Variants in ANKRD36C observed in about 807,000 individuals in gnomAD.
ANKRD36C encodes ankyrin repeat domain-containing protein 36C.
In ANKRD36C, 61 loss-of-function variants were observed where a neutral mutation model predicts 276.4. The observed-to-expected ratio is 0.22, with a 90% CI of 0.18 to 0.27. The LOEUF (loss-of-function observed/expected upper bound fraction) is 0.27. Ranked by LOEUF, ANKRD36C falls within the 10% of genes least tolerant of loss-of-function variation. The pLI is 1.00. For synonymous variants in ANKRD36C, 483 were observed against 680.1 expected (o/e 0.71, Z 4.51); for missense variants, 1,447 against 2,032.3 (o/e 0.71, Z 5.54).
intron 24 of ANKRD36C, among the ~76,000 whole-genome samples, chr2:95,931,433 A>G (rs1465320346): frequency 6.7e-6 from 1 of 149,930 alleles, no homozygotes; most frequent in Non-Finnish European, 1.5e-5. Flanking sequence ...CTGAGCAATA[A>G]ACTAGAATTT....
intron 8 of ANKRD36C, among the ~76,000 whole-genome samples, chr2:95,961,641 T>C (rs1051081666): frequency 6.6e-6 from 1 of 152,086 alleles, no homozygotes. Flanking sequence ...ATTAGCCTAT[T>C]TGAATAGCTA....
chr2:95,908,147 A>G (rs1676797776), intron 42 of ANKRD36C, among the ~76,000 whole-genome samples: 1 of 149,990 alleles, frequency 6.7e-6, no homozygotes, highest in African/African-American at 2.4e-5. Flanking sequence ...TCTTGGCAGT[A>G]CGATCTGAAG....
chr2:95,885,840 A>T (rs1676188693), intron 52 of ANKRD36C, among the ~76,000 whole-genome samples: 1 of 151,656 alleles, frequency 6.6e-6, no homozygotes, highest in Non-Finnish European at 1.5e-5. Context: ...TCCCAATTTC[A>T]ATGTAGGGAA....
chr2:95,866,795 T>C (rs566219649), intron 60 of ANKRD36C, among the ~76,000 whole-genome samples: 3 of 152,128 alleles, frequency 2.0e-5, no homozygotes, highest in Non-Finnish European at 2.9e-5. Context: ...ATCTCGATGA[T>C]GGTAATAGTT....
At chr2:95,871,044 T>G (rs1675798481) in intron 59 of ANKRD36C, among the ~76,000 whole-genome samples, 1 of 152,138 alleles carries the variant, frequency 6.6e-6, no homozygotes, top group Non-Finnish European at 1.5e-5. Flanking sequence ...ATCTGATTGG[T>G]GTACCTGAAA....
At chr2:95,963,966 T>C (rs1182981251) in intron 6 of ANKRD36C, among the ~76,000 whole-genome samples, 1 of 50,926 alleles carries the variant, frequency 2.0e-5, no homozygotes, top group African/African-American at 7.6e-5. Flanking sequence ...TAAATATATA[T>C]ATATAAATAT....
rs1206029967 is a variant in ANKRD36C, at chr2:95,944,805, A to T, written c.1424-111T>A. 4 of 1,181,176 alleles carry T rather than the reference A, an allele frequency of 3.4e-6. No homozygotes were observed. In the East Asian group the frequency reaches 1.0e-4, roughly 30 times the overall value. The allele number at this position is 1,181,176 out of a possible 1,614,324, so 73.2% of individuals were successfully genotyped here. On this transcript the variant is annotated intron_variant, in intron 18 of 66. Transcript: ENST00000456556. The stretch of plus-strand genomic sequence containing the variant: ...TTAATCCCAGCAGTTTGGGGGGCCG[A>T]TGCAGGCAGATCATATGAGGTCAGG...
chr2:95,889,038 T>C (rs1676270314), intron 48 of ANKRD36C, among the ~76,000 whole-genome samples: 1 of 151,606 alleles, frequency 6.6e-6, no homozygotes, highest in South Asian at 2.1e-4. Flanking sequence ...ACTTAGCTCC[T>C]TGAACTTTGA....
chr2:95,886,056 C>A (rs774459798), exon 52 of ANKRD36C: 2 of 1,610,104 alleles, frequency 1.2e-6, no homozygotes, highest in South Asian at 2.2e-5. Flanking sequence ...ACCTGTCCCA[C>A]GTATTTGTCC....
chr2:95,923,832 G>C lies in ANKRD36C; in HGVS notation c.2042-143C>G, dbSNP rs929633408. ...TTTTTGTGTCTGGGGACTGGAACATGACAGAAATACACTGAAAAAAAAGAA... is the reference window on the plus strand; with the variant it reads ...TTTTTGTGTCTGGGGACTGGAACATCACAGAAATACACTGAAAAAAAAGAA... On this transcript the variant is annotated intron_variant, in intron 30 of 66. Transcript: ENST00000456556. 1.0e-5 allele frequency: 13 copies of C among 1,245,466 alleles called. No homozygotes were observed. The African/African-American group carries it at 1.9e-4, about 18-fold the overall frequency. 77.2% of individuals were successfully genotyped at this position (1,245,466 alleles called of 1,614,324 possible).
intron 44 of ANKRD36C, 94 bp downstream of exon 64, chr2:95,893,439 G>C: frequency 6.7e-7 from 1 of 1,486,552 alleles, no homozygotes; most frequent in Non-Finnish European, 9.1e-7. Flanking sequence ...ATCAGAAAGT[G>C]CAGCTTCGAC....
At chr2:95,988,522 A>G (rs1411435244) in intron 1 of ANKRD36C, among the ~76,000 whole-genome samples, 1 of 152,126 alleles carries the variant, frequency 6.6e-6, no homozygotes, top group Admixed American at 6.5e-5. Flanking sequence ...GAGTCCTGAG[A>G]GATGGTGGAA....
At chr2:95,897,701 A>C (rs1676595850) in intron 44 of ANKRD36C, among the ~76,000 whole-genome samples, 1 of 145,882 alleles carries the variant, frequency 6.9e-6, no homozygotes, top group East Asian at 2.0e-4. Flanking sequence ...GTCATATGCC[A>C]AAAACTAAAA....
intron 59 of ANKRD36C, among the ~76,000 whole-genome samples, chr2:95,872,844 G>A (rs575821623): frequency 3.2e-4 from 49 of 152,190 alleles, no homozygotes; most frequent in African/African-American, 9.4e-4. Context: ...TATCACCACC[G>A]ATCCCACAGA....
At chr2:95,988,887 G>T (rs1235643926) in intron 1 of ANKRD36C, among the ~76,000 whole-genome samples, 1 of 151,974 alleles carries the variant, frequency 6.6e-6, no homozygotes, top group African/African-American at 2.4e-5. Context: ...TAAAAATAAG[G>T]CCAGGCACAG....
chr2:95,890,271 C>T (rs565052667), intron 46 of ANKRD36C, among the ~76,000 whole-genome samples: 6 of 151,340 alleles, frequency 4.0e-5, no homozygotes, highest in Admixed American at 2.6e-4. Context: ...GTCGATATGC[C>T]GAGTGATGAG....
chr2:95,928,821 A>C, intron 26 of ANKRD36C, among the ~76,000 whole-genome samples: 1 of 151,516 alleles, frequency 6.6e-6, no homozygotes, highest in East Asian at 1.9e-4. Context: ...TGAGCCTGGT[A>C]TGTGTTGAAC....
At chr2:95,878,842 C>T (rs1676011249) in intron 58 of ANKRD36C, among the ~76,000 whole-genome samples, 1 of 152,092 alleles carries the variant, frequency 6.6e-6, no homozygotes, top group Non-Finnish European at 1.5e-5. Context: ...GAAAGCAGAA[C>T]CCTCGTACAC....
At chr2:95,855,752 C>T in exon 63 of ANKRD36C, 39 of 1,613,788 alleles carry the variant, frequency 2.4e-5, no homozygotes, top group Non-Finnish European at 3.3e-5. Flanking sequence ...TCAAATTTTC[C>T]TGTAAATGAC....
Sources: gnomAD v4.1 joint callset for allele counts (sites outside exome capture counted in the v4.1 genomes callset) on GRCh38, gnomAD v4.1.1 for gene constraint, MANE v1.5 for transcripts, NCBI Gene and HGNC (gene_info 2026-07-23, HGNC 2026-07-21) for gene names.